The following VAV3 variants were observed in gnomAD, a reference collection of about 807,000 sequenced individuals.
The protein encoded by VAV3 is guanine nucleotide exchange factor VAV3.
Under a neutral mutation model 131.2 loss-of-function variants are expected in VAV3, and 94 were observed. That is an observed-to-expected ratio of 0.72 (90% CI 0.61 to 0.85). The LOEUF (loss-of-function observed/expected upper bound fraction) is 0.85, where lower values mean the gene tolerates loss of function less well. Among genes scored for constraint, VAV3 ranks in the 40% least tolerant of loss-of-function variants. The pLI is 0.00. For synonymous variants in VAV3, 349 were observed against 342.0 expected (o/e 1.02, Z -0.22); for missense variants, 939 against 1,002.7 (o/e 0.94, Z 0.86).
At chr1:107,755,320 T>C in intron 12 of VAV3, 107 bp downstream of exon 12, 1 of 866,600 alleles carries the variant, frequency 1.2e-6, no homozygotes, top group Non-Finnish European at 1.8e-6. Flanking sequence ...GGCAACAACC[T>C]CCAACAGTAG....
intron 2 of VAV3, among the ~76,000 whole-genome samples, chr1:107,867,326 T>G (rs980113401): frequency 1.3e-5 from 2 of 152,196 alleles, no homozygotes; most frequent in East Asian, 3.9e-4. Flanking sequence ...GAATAATCAC[T>G]AAGGTGTAAA....
intron 22 of VAV3, 67 bp from the exon 23 acceptor site, chr1:107,603,230 G>C: frequency 8.7e-7 from 1 of 1,150,882 alleles, no homozygotes; most frequent in Non-Finnish European, 1.3e-6. Context: ...CTAAAAGTAA[G>C]TATCTCTCAA....
intron 20 of VAV3, among the ~76,000 whole-genome samples, chr1:107,631,480 TTTA>T (rs1028280856): frequency 9.9e-5 from 14 of 141,914 alleles, no homozygotes; most frequent in African/African-American, 3.3e-4. Context: ...TTAATTTTAT[TTTA>T]TTATTATTAT....
intron 2 of VAV3, among the ~76,000 whole-genome samples, chr1:107,821,805 A>G (rs1667802971): frequency 6.6e-6 from 1 of 152,208 alleles, no homozygotes; most frequent in Non-Finnish European, 1.5e-5. Context: ...ATGTAACCGA[A>G]ATGCAGGTTT....
rs779065919 is a variant in VAV3, at chr1:107,765,193, C to T, written c.822-18G>A. On this transcript the variant is annotated intron_variant, in intron 8 of 26. Coordinates refer to ENST00000370056, the MANE Select transcript of VAV3 (RefSeq NM_006113.5). ...TAACCAATCTGAAAGGGAAAAAAGA[C>T]AAGAAATCTCTAAGACAAAAACCAA... The T allele has an allele frequency of 6.3e-7, 1 of 1,587,114 alleles. No individual in the cohort carries two copies. The highest frequency in any genetic ancestry group is 1.3e-5 in the African/African-American group (1 of 74,358).
Position 107,828,947 on chromosome 1 carries a change from C to A in VAV3, c.321+45954G>T, listed in dbSNP as rs957855278. 2.8e-4 allele frequency among the ~76,000 whole-genome samples: 42 copies of A among 152,172 alleles called. 1 individual carries two copies. The stretch of plus-strand genomic sequence containing the variant: ...CCTGCAAAATGAGAAGTCTGAACTA[C>A]ATCATTTGCAAAGCCCCTTTCAGCC... On this transcript the variant is annotated intron_variant, in intron 2 of 26. Coordinates refer to ENST00000370056, the MANE Select transcript of VAV3 (RefSeq NM_006113.5).
At position 107,603,119 on chromosome 1, in the gene VAV3, A is replaced by G; in HGVS notation, c.2060T>C (p.Ile687Thr). The change falls in exon 23 of 27, where the codon ATT becomes ACT. Residue 687 changes from isoleucine (I) to threonine (T), a missense_variant. Coordinates refer to ENST00000370056, the MANE Select transcript of VAV3 (RefSeq NM_006113.5). ...MERLQAETEL[I>T]NRVNSTYLVR... ...AAGGTAAGTACTATTTACCCTATTA[A>G]TAAGTTCGGTCTCTGCTTGCAATCT... 6.2e-7 allele frequency: 1 copy of G among 1,613,616 alleles called. No individual in the cohort carries two copies. Among genetic ancestry groups the G allele is most frequent in the Non-Finnish European group, 8.5e-7 (1 of 1,179,764 alleles).
intron 15 of VAV3, among the ~76,000 whole-genome samples, chr1:107,735,694 C>G (rs759152140): frequency 3.0e-4 from 46 of 152,158 alleles, no homozygotes; most frequent in Non-Finnish European, 5.6e-4. Context: ...ATAACAGGCT[C>G]TGAAATTCAG....
chr1:107,699,412 G>A (rs181741972), intron 17 of VAV3, among the ~76,000 whole-genome samples: 22 of 152,364 alleles, frequency 1.4e-4, no homozygotes, highest in African/African-American at 4.6e-4. Context: ...CCCCTATGGC[G>A]TTGCAGGGTA....
intron 22 of VAV3, among the ~76,000 whole-genome samples, chr1:107,607,918 T>C (rs1652421905): frequency 6.6e-6 from 1 of 152,200 alleles, no homozygotes; most frequent in Non-Finnish European, 1.5e-5. Context: ...AAAGTAATTT[T>C]CTCTAAATAG....
At position 107,924,392 on chromosome 1, in the gene VAV3, C is replaced by CAA. The variant is rs78674521; in HGVS notation, c.204+40272_204+40273dup. ...TTTTACCCTCCAGTCGATATTATGA[C>CAA]AAAAAAAAAAAAAACCCTGTAAACA... is the stretch of plus-strand genomic sequence containing the variant. On this transcript the variant is annotated intron_variant, in intron 1 of 26. Transcript: ENST00000370056. Among the ~76,000 whole-genome samples, 107 of 95,962 alleles carry CAA rather than the reference C, an allele frequency of 1.1e-3. No individual in the cohort carries two copies. The East Asian group carries it at 0.013, about 11-fold the overall frequency. 63.0% of individuals were successfully genotyped at this position (95,962 alleles called of 152,430 possible).
intron 2 of VAV3, among the ~76,000 whole-genome samples, chr1:107,857,476 T>C (rs867392727): frequency 2.1e-4 from 32 of 152,314 alleles, no homozygotes; most frequent in African/African-American, 4.1e-4. Context: ...TTTTGAACTT[T>C]GTTATAACTT....
At chr1:107,944,327 A>G (rs561432345) in intron 1 of VAV3, among the ~76,000 whole-genome samples, 1 of 152,314 alleles carries the variant, frequency 6.6e-6, no homozygotes, top group South Asian at 2.1e-4. Flanking sequence ...AACCACTGCC[A>G]TCTTTGCAGG....
intron 1 of VAV3, among the ~76,000 whole-genome samples, chr1:107,930,869 T>C (rs998804704): frequency 6.6e-6 from 1 of 152,126 alleles, no homozygotes; most frequent in African/African-American, 2.4e-5. Context: ...TTAGCAAAAA[T>C]AGGTGAATAT....
intron 1 of VAV3, among the ~76,000 whole-genome samples, chr1:107,884,890 G>A (rs1469113670): frequency 6.6e-6 from 1 of 152,154 alleles, no homozygotes; most frequent in African/African-American, 2.4e-5. Flanking sequence ...TAAAGAAGTA[G>A]TAGAATACAG....
chr1:107,572,468 C>T lies in VAV3; in HGVS notation c.*863G>A, dbSNP rs1027501550. 6.6e-6 allele frequency: 1 copy of T among 152,292 alleles called. No homozygotes were observed. Among genetic ancestry groups the T allele is most frequent in the South Asian group, 2.1e-4 (1 of 4,808 alleles). 9.4% of individuals were successfully genotyped at this position (152,292 alleles called of 1,614,324 possible). ...GCTATAAAATGACATAAATTATAGC[C>T]CTTGATCTGTTTCTGTAAACAATGC... On this transcript the variant is annotated 3_prime_UTR_variant, in exon 27 of 27. Coordinates refer to ENST00000370056, the MANE Select transcript of VAV3 (RefSeq NM_006113.5).
At chr1:107,831,801 C>T (rs1004046142) in intron 2 of VAV3, among the ~76,000 whole-genome samples, 3 of 152,196 alleles carry the variant, frequency 2.0e-5, no homozygotes, top group South Asian at 2.1e-4. Context: ...GCTTTACATT[C>T]GTTTTAGACA....
At chr1:107,871,652 G>A (rs565980035) in intron 2 of VAV3, among the ~76,000 whole-genome samples, 45 of 152,246 alleles carry the variant, frequency 3.0e-4, no homozygotes, top group African/African-American at 1.0e-3. Context: ...CCCTTCTAGA[G>A]AAGCCCAAAT....
Position 107,772,755 on chromosome 1 carries a change from C to A in VAV3, c.535G>T (p.Ala179Ser), listed in dbSNP as rs1422972149. 2 of 1,613,504 alleles carry A rather than the reference C, an allele frequency of 1.2e-6. No homozygotes were observed. Among genetic ancestry groups the A allele is most frequent in the Middle Eastern group, 1.7e-4 (1 of 6,056 alleles). The change falls in exon 5 of 27, where the codon GCA becomes TCA. Residue 179 changes from alanine to serine, a missense_variant. Transcript: ENST00000370056. ...GGEVYEDLMK[A>S]EEAHQPKCPE... is the part of the protein sequence containing the mutation. ...CCTACGGGCTGATGTGCTTCCTCTG[C>A]CTTCATTAAGTCCTCATAGACTTCT...
Sources: gnomAD v4.1 joint callset for allele counts (sites outside exome capture counted in the v4.1 genomes callset) on GRCh38, gnomAD v4.1.1 for gene constraint, MANE v1.5 for transcripts, NCBI Gene and HGNC (gene_info 2026-07-23, HGNC 2026-07-21) for gene names.